The following SEPTIN10 variants were observed in gnomAD, a reference collection of about 807,000 sequenced individuals.
SEPTIN10 encodes septin 10, also known as septin-10.
In SEPTIN10, 66 loss-of-function variants were observed where a neutral mutation model predicts 54.8. The ratio of observed to expected loss-of-function variants is 1.21; its 90% CI spans 0.99 to 1.48. The LOEUF (loss-of-function observed/expected upper bound fraction) is 1.48, where lower values mean the gene tolerates loss of function less well. Ranked by LOEUF, SEPTIN10 falls within the 40% of genes most tolerant of loss-of-function variation. The pLI, the probability that SEPTIN10 is intolerant of heterozygous loss-of-function variation, is 0.00. For missense variants in SEPTIN10, 620 were observed against 545.6 expected (o/e 1.14, Z -1.36); for synonymous variants, 161 against 181.0 (o/e 0.89, Z 0.89).
At chr2:109,594,347 G>C (rs1694802952) in intron 1 of SEPTIN10, among the ~76,000 whole-genome samples, 1 of 152,104 alleles carries the variant, frequency 6.6e-6, no homozygotes, top group Non-Finnish European at 1.5e-5. Context: ...TTCTCTAATA[G>C]CTCAGCGCTC....
At chr2:109,588,906 GAAATT>G (rs1451670075) in intron 2 of SEPTIN10, among the ~76,000 whole-genome samples, 1 of 141,916 alleles carries the variant, frequency 7.0e-6, no homozygotes, top group Non-Finnish European at 1.5e-5. Context: ...AAGCAGAAAT[GAAATT>G]GAGTCATAAA....
At position 109,545,994 on chromosome 2, in the gene SEPTIN10, A is replaced by G. The variant is rs989547542; in HGVS notation, c.1349+56T>C. 1.6e-5 allele frequency: 25 copies of G among 1,515,392 alleles called. No individual in the cohort carries two copies. In the Admixed American group the frequency reaches 5.8e-4, roughly 35 times the overall value. The allele number at this position is 1,515,392 out of a possible 1,614,324, so 93.9% of individuals were successfully genotyped here. A position where few individuals can be genotyped will look rare whatever the true frequency, so the allele number is the denominator to read the frequency against. The stretch of plus-strand genomic sequence containing the variant: ...GTAAGAAGCGCTAGGAAGATCCGAC[A>G]GGGCAATGTGACAAGTGTGGGCAGG... On this transcript the variant is annotated intron_variant, in intron 10 of 10. Coordinates refer to ENST00000397712, the MANE Select transcript of SEPTIN10 (RefSeq NM_144710.5).
chr2:109,589,034 G>A (rs1693297088), intron 2 of SEPTIN10, among the ~76,000 whole-genome samples: 1 of 151,750 alleles, frequency 6.6e-6, no homozygotes, highest in Non-Finnish European at 1.5e-5. Flanking sequence ...GAGTTTAAGT[G>A]ATTCTTCCAC....
intron 8 of SEPTIN10, among the ~76,000 whole-genome samples, chr2:109,562,154 A>G (rs1314624907): frequency 6.6e-6 from 1 of 152,096 alleles, no homozygotes; most frequent in Non-Finnish European, 1.5e-5. Context: ...CAGAGGTTGC[A>G]GTGAGCAGAG....
chr2:109,593,656 G>A (rs1422684622), intron 1 of SEPTIN10, among the ~76,000 whole-genome samples: 4 of 151,866 alleles, frequency 2.6e-5, no homozygotes, highest in East Asian at 1.9e-4. Context: ...GGCCTGCCTC[G>A]GCCTCCCAGA....
chr2:109,562,017 C>A (rs1158083833), intron 8 of SEPTIN10, among the ~76,000 whole-genome samples: 1 of 151,818 alleles, frequency 6.6e-6, no homozygotes, highest in Admixed American at 6.6e-5. Context: ...TCAAGACCAG[C>A]CTGGCCAACA....
chr2:109,600,029 C>T (rs1573816732), intron 1 of SEPTIN10, among the ~76,000 whole-genome samples: 2 of 152,248 alleles, frequency 1.3e-5, no homozygotes, highest in East Asian at 3.9e-4. Context: ...GCTTGCTGAC[C>T]GTCTCCACCT....
chr2:109,546,273 G>C (rs1419214103), intron 9 of SEPTIN10, 36 bp from the exon 10 acceptor site: 1 of 1,425,822 alleles, frequency 7.0e-7, no homozygotes, highest in Non-Finnish European at 9.4e-7. Context: ...TACTGACACA[G>C]CGCGGCAGCA....
rs1475783349 is a variant in SEPTIN10 at position 109,585,790 on chromosome 2, C to A, written c.148G>T (p.Glu50Ter). The A allele has an allele frequency of 3.1e-6, 5 of 1,612,258 alleles. No homozygotes were observed. The highest frequency in any genetic ancestry group is 1.1e-5 in the South Asian group (1 of 90,980). Residue 50 changes from glutamate to a stop codon, truncating the protein, a stop_gained, in exon 3 of 11, where the codon GAG becomes TAG. Transcript: ENST00000397712. LOFTEE classifies it high-confidence loss of function. ...TTCACCAGCTGATCAGGCAAACTCTCAAAACCAACATGGCCAGACATAGTC... is the reference window on the plus strand; with the variant it reads ...TTCACCAGCTGATCAGGCAAACTCTAAAAACCAACATGGCCAGACATAGTC... ...SLTMSGHVGF[E>*]SLPDQLVNRS... is the part of the protein sequence containing the mutation.
At chr2:109,546,430 T>C (rs1359512053) in intron 9 of SEPTIN10, among the ~76,000 whole-genome samples, 193 bp from the exon 10 acceptor site, 1 of 152,170 alleles carries the variant, frequency 6.6e-6, no homozygotes, top group Non-Finnish European at 1.5e-5. Flanking sequence ...AACTTTAATT[T>C]AAATGAGTTC....
chr2:109,611,835 A>G (rs1033240749), intron 1 of SEPTIN10, among the ~76,000 whole-genome samples: 1 of 152,176 alleles, frequency 6.6e-6, no homozygotes, highest in African/African-American at 2.4e-5. Flanking sequence ...ACACCACCAA[A>G]TGCTGGTAAG....
At chr2:109,561,787 CCT>C (rs937798473) in intron 8 of SEPTIN10, among the ~76,000 whole-genome samples, 7 of 152,134 alleles carry the variant, frequency 4.6e-5, no homozygotes, top group Admixed American at 1.3e-4. Context: ...ATCCTTGATC[CCT>C]CTCTTTCCTT....
chr2:109,578,868 A>G (rs898879710), intron 4 of SEPTIN10, among the ~76,000 whole-genome samples: 7 of 152,222 alleles, frequency 4.6e-5, no homozygotes, highest in African/African-American at 1.7e-4. Context: ...TTATAATACT[A>G]AATGCATAAG....
intron 2 of SEPTIN10, among the ~76,000 whole-genome samples, chr2:109,589,136 GTTTTGTT>G (rs1179148886): frequency 6.6e-6 from 1 of 151,990 alleles, no homozygotes; most frequent in Non-Finnish European, 1.5e-5. Flanking sequence ...TTGTTGGTTT[GTTTTGTT>G]TTTTGTTTTT....
chr2:109,563,190 C>T (rs1346383004), intron 8 of SEPTIN10, among the ~76,000 whole-genome samples: 1 of 152,108 alleles, frequency 6.6e-6, no homozygotes, highest in Non-Finnish European at 1.5e-5. Flanking sequence ...GGATTACAGG[C>T]CATGAACCAC....
intron 2 of SEPTIN10, among the ~76,000 whole-genome samples, chr2:109,586,381 A>C (rs1349513544): frequency 1.3e-5 from 2 of 152,182 alleles, no homozygotes; most frequent in Admixed American, 6.5e-5. Context: ...AAGGAAACTT[A>C]TCAGGTGAGA....
intron 5 of SEPTIN10, among the ~76,000 whole-genome samples, chr2:109,572,782 A>C (rs567465144): frequency 6.6e-6 from 1 of 151,148 alleles, no homozygotes; most frequent in South Asian, 2.1e-4. Context: ...ATGCCTGGCT[A>C]ATTTTTGTAT....
intron 5 of SEPTIN10, among the ~76,000 whole-genome samples, chr2:109,572,298 A>AT (rs1304868902): frequency 1.3e-5 from 2 of 151,714 alleles, no homozygotes; most frequent in Non-Finnish European, 2.9e-5. Flanking sequence ...GCCCGGCTGA[A>AT]TTTTTTTTGT....
In SEPTIN10 at chr2:109,546,161, A is replaced by G. The variant is rs1417966575; in HGVS notation, c.1238T>C (p.Leu413Ser). ...AGAGAAAGCAATTATTTCTTCTTCCAAAAGTCTTCTCTTTTCTTCAAGCTT... is the reference window on the plus strand; with the variant it reads ...AGAGAAAGCAATTATTTCTTCTTCCGAAAGTCTTCTCTTTTCTTCAAGCTT... ...RMKLEEKRRL[L>S]EEEIIAFSKK... The change falls in exon 10 of 11, where the codon TTG (leucine) becomes TCG (serine). Residue 413 changes from leucine to serine, a missense_variant. Leu to Ser is a moderately radical substitution (Grantham distance 145). Transcript: ENST00000397712. The G allele has an allele frequency of 7.4e-6, 12 of 1,610,880 alleles. No homozygotes were observed. The South Asian group carries it at 1.1e-4, about 15-fold the overall frequency.
Sources: allele counts gnomAD v4.1 joint callset (sites outside exome capture counted in the v4.1 genomes callset), GRCh38; gene constraint gnomAD v4.1.1; transcripts MANE v1.5; gene names NCBI Gene and HGNC (gene_info 2026-07-23, HGNC 2026-07-21).